Variants in HDAC9 observed in about 807,000 individuals in gnomAD.
HDAC9 encodes the protein histone deacetylase 9.
Under a neutral mutation model 139.4 loss-of-function variants are expected in HDAC9, and 41 were observed. The observed-to-expected ratio is 0.29, with a 90% CI of 0.23 to 0.38. HDAC9 has a LOEUF of 0.38. HDAC9 is among the 10% of genes least tolerant of loss of function. The pLI is 1.00. For synonymous variants in HDAC9, 517 were observed against 476.2 expected, an observed-to-expected ratio of 1.09 and a Z score of -1.12; for missense variants, 1,147 against 1,297.0, an observed-to-expected ratio of 0.88 and a Z score of 1.78.
intron 2 of HDAC9, among the ~76,000 whole-genome samples, chr7:18,272,618 A>G (rs1205510891): frequency 1.3e-5 from 2 of 152,166 alleles, no homozygotes; most frequent in Non-Finnish European, 2.9e-5. Flanking sequence ...AAAGATTCAA[A>G]ATATGTTCAT....
At chr7:18,607,801 G>T (rs749885467) in intron 6 of HDAC9, among the ~76,000 whole-genome samples, 3 of 150,934 alleles carry the variant, frequency 2.0e-5, no homozygotes, top group Admixed American at 6.8e-5. Context: ...TCATAAAGAG[G>T]TGTGATAAAA....
chr7:18,990,173 A>G (rs534088857), intron 25 of HDAC9, among the ~76,000 whole-genome samples: 7 of 151,836 alleles, frequency 4.6e-5, no homozygotes, highest in East Asian at 3.9e-4. Context: ...TTTTTTCCCC[A>G]TCTTTGTGGT....
intron 12 of HDAC9, among the ~76,000 whole-genome samples, chr7:18,678,239 G>A (rs929420136): frequency 6.6e-6 from 1 of 151,586 alleles, no homozygotes; most frequent in Non-Finnish European, 1.5e-5. Flanking sequence ...ATTTTTATCT[G>A]CTTGTTTGTA....
At chr7:18,457,932 A>T (rs948677864) in intron 1 of HDAC9, among the ~76,000 whole-genome samples, 31 of 152,128 alleles carry the variant, frequency 2.0e-4, no homozygotes, top group African/African-American at 6.3e-4. Context: ...GTGTATGCAA[A>T]TGCACACACT....
intron 2 of HDAC9, among the ~76,000 whole-genome samples, chr7:18,202,192 A>G (rs116963049): frequency 0.02 from 3,114 of 152,304 alleles, 44 homozygotes; most frequent in Middle Eastern, 0.054. Context: ...ATTAAGTAAA[A>G]TTTCAGATCA....
intron 2 of HDAC9, among the ~76,000 whole-genome samples, chr7:18,540,085 G>A (rs1466475839): frequency 2.3e-5 from 3 of 127,762 alleles, no homozygotes; most frequent in African/African-American, 6.0e-5. Flanking sequence ...TGTTGAAACC[G>A]CATCCCTACT....
In HDAC9 at chr7:18,589,904, C is replaced by T. The variant is rs147269535; in HGVS notation, c.265-432C>T. Among the ~76,000 whole-genome samples, 145 of 152,144 alleles carry T rather than the reference C, an allele frequency of 9.5e-4. 2 individuals are homozygous for T. The East Asian group carries it at 0.026, about 27-fold the overall frequency. On this transcript the variant is annotated intron_variant, in intron 3 of 25. Coordinates refer to ENST00000686413, the MANE Select transcript of HDAC9 (RefSeq NM_178425.4). Reference sequence around the variant, plus strand: ...TTAATATCTCACCATTCTGTATTTGCGTTGATTATTTTTACACCATTTTTT... The same window carrying T: ...TTAATATCTCACCATTCTGTATTTGTGTTGATTATTTTTACACCATTTTTT...
At chr7:18,548,872 G>A (rs1816126690) in intron 2 of HDAC9, among the ~76,000 whole-genome samples, 1 of 152,182 alleles carries the variant, frequency 6.6e-6, no homozygotes, top group Admixed American at 6.5e-5. Context: ...ATAAATTGGA[G>A]CGCTCATACA....
chr7:18,729,299 A>G (rs1785829632), intron 13 of HDAC9, among the ~76,000 whole-genome samples: 1 of 151,404 alleles, frequency 6.6e-6, no homozygotes, highest in Non-Finnish European at 1.5e-5. Context: ...TAATAATATT[A>G]AAAATTAAAA....
intron 13 of HDAC9, 144 bp downstream of exon 13, chr7:18,727,901 T>C (rs1785686838): frequency 1.8e-6 from 1 of 565,464 alleles, no homozygotes; most frequent in African/African-American, 2.0e-5. Context: ...GAGGTTATAT[T>C]GGCTATAAGA....
intron 2 of HDAC9, among the ~76,000 whole-genome samples, chr7:18,268,090 A>G (rs2128211307): frequency 6.6e-6 from 1 of 152,276 alleles, no homozygotes; most frequent in East Asian, 1.9e-4. Flanking sequence ...TTCTTGATCA[A>G]TTAGTATTTT....
intron 1 of HDAC9, among the ~76,000 whole-genome samples, chr7:18,389,514 A>G (rs1453692982): frequency 6.6e-6 from 1 of 152,172 alleles, no homozygotes; most frequent in East Asian, 1.9e-4. Context: ...TGTAAAGGCT[A>G]GATCTGAAAT....
At chr7:18,771,245 T>C (rs548422916) in intron 16 of HDAC9, among the ~76,000 whole-genome samples, 2 of 152,234 alleles carry the variant, frequency 1.3e-5, no homozygotes, top group Non-Finnish European at 2.9e-5. Flanking sequence ...AGCTTTTTAT[T>C]ACGACTTTTA....
intron 17 of HDAC9, among the ~76,000 whole-genome samples, chr7:18,820,315 G>T (rs1267888041): frequency 6.6e-6 from 1 of 152,060 alleles, no homozygotes; most frequent in Non-Finnish European, 1.5e-5. Flanking sequence ...GAGAAACTTG[G>T]TTCTAGTATA....
chr7:18,483,420 A>C (rs890391051), intron 1 of HDAC9, among the ~76,000 whole-genome samples: 1 of 152,188 alleles, frequency 6.6e-6, no homozygotes, highest in African/African-American at 2.4e-5. Context: ...CACAGCAGTG[A>C]ATTGGAAGAA....
At chr7:18,395,670 T>A (rs1786960507) in intron 1 of HDAC9, among the ~76,000 whole-genome samples, 1 of 152,126 alleles carries the variant, frequency 6.6e-6, no homozygotes, top group Non-Finnish European at 1.5e-5. Flanking sequence ...ACAACAAAGA[T>A]ACATTTTATG....
intron 17 of HDAC9, among the ~76,000 whole-genome samples, chr7:18,806,350 C>T (rs1793708930): frequency 6.6e-6 from 1 of 152,170 alleles, no homozygotes. Context: ...TACATTCCTT[C>T]CTTATTCAGG....
In HDAC9 at chr7:19,002,025, G is replaced by A. The variant is rs1786775953; in HGVS notation, c.*5963G>A. On this transcript the variant is annotated 3_prime_UTR_variant, in exon 26 of 26. Coordinates refer to ENST00000686413, the MANE Select transcript of HDAC9 (RefSeq NM_178425.4). The stretch of plus-strand genomic sequence containing the variant: ...GTTTCTGTAATAAGATCAGTTTGTT[G>A]TCCTCTGTGCACCAGTGGTTTTGCC... 1 of 151,950 alleles carries A rather than the reference G, an allele frequency of 6.6e-6. No individual in the cohort carries two copies. Among genetic ancestry groups the A allele is most frequent in the South Asian group, 2.1e-4 (1 of 4,826 alleles). The allele number at this position is 151,950 out of a possible 1,614,324, so 9.4% of individuals were successfully genotyped here.
intron 2 of HDAC9, among the ~76,000 whole-genome samples, chr7:18,165,922 G>A (rs1787978676): frequency 6.6e-6 from 1 of 152,120 alleles, no homozygotes; most frequent in African/African-American, 2.4e-5. Flanking sequence ...TGGGGAGGTG[G>A]ATGGACCAAA....
Sources: gnomAD v4.1 joint callset for allele counts (sites outside exome capture counted in the v4.1 genomes callset) on GRCh38, gnomAD v4.1.1 for gene constraint, MANE v1.5 for transcripts, NCBI Gene and HGNC (gene_info 2026-07-23, HGNC 2026-07-21) for gene names.